Variants in ATRNL1 observed in about 807,000 individuals in gnomAD.
The protein encoded by ATRNL1 is attractin like 1.
ATRNL1 carries 95 observed loss-of-function variants against 182.7 expected under a neutral mutation model. The ratio of observed to expected loss-of-function variants is 0.52; its 90% CI spans 0.44 to 0.62. The LOEUF (loss-of-function observed/expected upper bound fraction) is 0.62. Ranked by LOEUF, ATRNL1 falls within the 20% of genes least tolerant of loss-of-function variation. The probability of loss-of-function intolerance (pLI) is 0.00; values close to 1 mark genes in which losing one functional copy is unlikely to be tolerated. For synonymous variants in ATRNL1, 576 were observed against 568.3 expected, an observed-to-expected ratio of 1.01 and a Z score of -0.19; for missense variants, 1,471 against 1,679.5, an observed-to-expected ratio of 0.88 and a Z score of 2.17.
chr10:115,383,299 G>C (rs1011418074), intron 19 of ATRNL1, among the ~76,000 whole-genome samples: 1 of 103,216 alleles, frequency 9.7e-6, no homozygotes, highest in African/African-American at 3.8e-5. Context: ...CTGTAAAGTT[G>C]GTAGTGATGT....
intron 28 of ATRNL1, among the ~76,000 whole-genome samples, chr10:115,920,102 C>G (rs1953003312): frequency 6.6e-6 from 1 of 152,182 alleles, no homozygotes; most frequent in Admixed American, 6.5e-5. Flanking sequence ...TCATTGAAGT[C>G]CAGTCTCATC....
At chr10:115,754,215 G>T (rs1205277493) in intron 27 of ATRNL1, among the ~76,000 whole-genome samples, 1 of 152,150 alleles carries the variant, frequency 6.6e-6, no homozygotes, top group Non-Finnish European at 1.5e-5. Flanking sequence ...TGTTGCCATT[G>T]CTTTTGGTGT....
intron 26 of ATRNL1, among the ~76,000 whole-genome samples, chr10:115,627,300 T>C (rs1460345864): frequency 1.3e-5 from 2 of 152,198 alleles, no homozygotes; most frequent in East Asian, 3.8e-4. Context: ...GTATGTGACC[T>C]TTTGTGTTTG....
intron 19 of ATRNL1, among the ~76,000 whole-genome samples, chr10:115,391,084 T>C (rs1843992939): frequency 6.6e-6 from 1 of 152,204 alleles, no homozygotes; most frequent in South Asian, 2.1e-4. Flanking sequence ...GATCATGTCA[T>C]CAGCAAACAG....
intron 27 of ATRNL1, among the ~76,000 whole-genome samples, chr10:115,805,806 A>G (rs1949908162): frequency 6.6e-6 from 1 of 152,158 alleles, no homozygotes; most frequent in East Asian, 1.9e-4. Flanking sequence ...CATCCCAATA[A>G]TAACCTTAAA....
At chr10:115,707,866 G>A (rs1194002156) in intron 26 of ATRNL1, among the ~76,000 whole-genome samples, 1 of 151,586 alleles carries the variant, frequency 6.6e-6, no homozygotes, top group Non-Finnish European at 1.5e-5. Context: ...GAATTACTAG[G>A]TCAGAGGATA....
At chr10:115,883,603 G>A (rs1951877451) in intron 28 of ATRNL1, among the ~76,000 whole-genome samples, 1 of 152,238 alleles carries the variant, frequency 6.6e-6, no homozygotes, top group Admixed American at 6.5e-5. Context: ...GTGTGCATAA[G>A]GTTGAGCTAA....
At chr10:115,413,016 A>C (rs1398855048) in intron 20 of ATRNL1, among the ~76,000 whole-genome samples, 13 of 152,224 alleles carry the variant, frequency 8.5e-5, no homozygotes, top group Non-Finnish European at 1.6e-4. Context: ...GTTACATCAT[A>C]ATCCATAACG....
chr10:115,942,913 G>A (rs1357643052), intron 28 of ATRNL1, among the ~76,000 whole-genome samples: 2 of 152,210 alleles, frequency 1.3e-5, no homozygotes, highest in African/African-American at 4.8e-5. Flanking sequence ...ATCTGGTTGA[G>A]CCATGGCTCC....
intron 28 of ATRNL1, among the ~76,000 whole-genome samples, chr10:115,864,539 C>A (rs1269960268): frequency 1.3e-5 from 2 of 152,130 alleles, no homozygotes; most frequent in Non-Finnish European, 2.9e-5. Context: ...TAATAAAGAA[C>A]CCTAGCAGAC....
intron 24 of ATRNL1, among the ~76,000 whole-genome samples, chr10:115,489,117 A>G (rs1554975863): frequency 6.6e-6 from 1 of 152,130 alleles, no homozygotes; most frequent in African/African-American, 2.4e-5. Context: ...GTTCTTTTGC[A>G]TTTGCTGAAG....
At position 115,944,872 on chromosome 10, in the gene ATRNL1, T is replaced by C. The variant is rs967855354; in HGVS notation, c.*93T>C. On this transcript the variant is annotated 3_prime_UTR_variant, in exon 29 of 29. Coordinates refer to ENST00000355044, the MANE Select transcript of ATRNL1 (RefSeq NM_207303.4). ...GCCTTGGATTTTATGGAGGCAGATC[T>C]CTGTATCATCCAGAGCCTGAGTACA... 14 of 1,416,264 alleles carry C rather than the reference T, an allele frequency of 9.9e-6. No homozygotes were observed. The African/African-American group carries it at 1.9e-4, about 19-fold the overall frequency. 87.7% of individuals were successfully genotyped at this position (1,416,264 alleles called of 1,614,324 possible).
At chr10:115,474,466 G>C (rs1224246000) in intron 24 of ATRNL1, among the ~76,000 whole-genome samples, 2 of 151,232 alleles carry the variant, frequency 1.3e-5, no homozygotes, top group African/African-American at 4.8e-5. Flanking sequence ...CAGCTTCATG[G>C]ATCTAGACAT....
intron 18 of ATRNL1, among the ~76,000 whole-genome samples, chr10:115,325,095 A>G (rs534874885): frequency 3.3e-5 from 5 of 152,136 alleles, no homozygotes; most frequent in Admixed American, 2.0e-4. Context: ...ATTTTTCAAA[A>G]CTATGTACTT....
chr10:115,137,265 A>G (rs1311467259), intron 5 of ATRNL1, among the ~76,000 whole-genome samples: 1 of 152,196 alleles, frequency 6.6e-6, no homozygotes, highest in Non-Finnish European at 1.5e-5. Flanking sequence ...TGAGCAGAAA[A>G]GTCAGTTATT....
At chr10:115,219,216 A>C (rs1209488353) in intron 9 of ATRNL1, among the ~76,000 whole-genome samples, 8 of 143,178 alleles carry the variant, frequency 5.6e-5, no homozygotes, top group Non-Finnish European at 1.1e-4. Context: ...TGGGTGACAG[A>C]GTGAGACTCC....
intron 28 of ATRNL1, among the ~76,000 whole-genome samples, chr10:115,924,645 A>G (rs1953166941): frequency 6.6e-6 from 1 of 152,172 alleles, no homozygotes; most frequent in African/African-American, 2.4e-5. Flanking sequence ...TGTTTTGATT[A>G]CTGTAGCCTT....
At chr10:115,440,062 A>C (rs1163838931) in intron 21 of ATRNL1, among the ~76,000 whole-genome samples, 1 of 151,860 alleles carries the variant, frequency 6.6e-6, no homozygotes, top group Non-Finnish European at 1.5e-5. Flanking sequence ...GATTTATAAG[A>C]AATTACTGTC....
chr10:115,557,797 G>C (rs2246089), intron 26 of ATRNL1, among the ~76,000 whole-genome samples: 14 of 151,822 alleles, frequency 9.2e-5, no homozygotes, highest in Non-Finnish European at 2.1e-4. Context: ...CTGTAATCCC[G>C]ACACTTTGAG....
Sources: allele counts gnomAD v4.1 joint callset (sites outside exome capture counted in the v4.1 genomes callset), GRCh38; gene constraint gnomAD v4.1.1; transcripts MANE v1.5; gene names NCBI Gene and HGNC (gene_info 2026-07-23, HGNC 2026-07-21).